Variants in ZZEF1 observed in about 807,000 individuals in gnomAD.
ZZEF1 encodes zinc finger ZZ-type and EF-hand domain containing 1.
Under a neutral mutation model 342.8 loss-of-function variants are expected in ZZEF1, and 157 were observed. That is an observed-to-expected ratio of 0.46 (90% CI 0.40 to 0.52). ZZEF1 has a LOEUF of 0.52. ZZEF1 is among the 20% of genes least tolerant of loss of function. The pLI, the probability that ZZEF1 is intolerant of heterozygous loss-of-function variation, is 0.00. For missense variants in ZZEF1, 3,480 were observed against 3,725.6 expected (o/e 0.93, Z 1.72); for synonymous variants, 1,505 against 1,429.1 (o/e 1.05, Z -1.20).
chr17:4,081,118 T>G (rs769160115), intron 18 of ZZEF1, among the ~76,000 whole-genome samples: 19 of 152,084 alleles, frequency 1.2e-4, no homozygotes, highest in Non-Finnish European at 1.9e-4. Flanking sequence ...TGTGCCTGTG[T>G]CCCAGCTACT....
chr17:4,087,182 G>T (rs751241576), intron 14 of ZZEF1, among the ~76,000 whole-genome samples: 10 of 152,162 alleles, frequency 6.6e-5, no homozygotes, highest in African/African-American at 9.7e-5. Context: ...GCCCAGGCAG[G>T]AAGTTCATTT....
At chr17:4,021,017 T>C in intron 45 of ZZEF1, 112 bp downstream of exon 45, 8 of 1,186,084 alleles carry the variant, frequency 6.7e-6, no homozygotes, top group Non-Finnish European at 7.1e-6. Flanking sequence ...AAGTGAATTC[T>C]CAGGACAGCA....
At position 4,016,725 on chromosome 17, in the gene ZZEF1, T is replaced by G; in HGVS notation, c.8002-259A>C. ...CTGAAAGAACTAACTGAACCAATCA[T>G]AAAGGGTCCTGGTCCTTGAAGGAGT... is the stretch of plus-strand genomic sequence containing the variant. On this transcript the variant is annotated intron_variant, in intron 48 of 54. Transcript: ENST00000381638. The surrounding 1 kb of genome is among the most constrained non-coding windows in gnomAD (Gnocchi z 4.4). 1 of 407,336 alleles carries G rather than the reference T, an allele frequency of 2.5e-6. No homozygotes were observed. Among genetic ancestry groups the G allele is most frequent in the Non-Finnish European group, 4.4e-6 (1 of 228,412 alleles). 25.2% of individuals were successfully genotyped at this position (407,336 alleles called of 1,614,324 possible).
At chr17:4,065,651 C>A (rs1459910524) in intron 28 of ZZEF1, among the ~76,000 whole-genome samples, 1 of 152,112 alleles carries the variant, frequency 6.6e-6, no homozygotes, top group Non-Finnish European at 1.5e-5. Context: ...TCTTGTTTCA[C>A]CCCCATCAAC....
In ZZEF1 at chr17:4,096,466, T is replaced by C. The variant is rs906022580; in HGVS notation, c.1764+143A>G. The C allele has an allele frequency of 2.2e-5, 15 of 696,734 alleles. No individual in the cohort carries two copies. In the African/African-American group the frequency reaches 2.3e-4, roughly 11 times the overall value. 43.2% of individuals were successfully genotyped at this position (696,734 alleles called of 1,614,324 possible). A position where few individuals can be genotyped will look rare whatever the true frequency, so the allele number is the denominator to read the frequency against. ...GCCTGAGGGGATGAATAGCTCATCC[T>C]CATCCTCTGTATGATTATTTCACAT... On this transcript the variant is annotated intron_variant, in intron 10 of 54. Transcript: ENST00000381638.
chr17:4,130,682 C>T (rs937024579), intron 1 of ZZEF1, among the ~76,000 whole-genome samples: 3 of 152,144 alleles, frequency 2.0e-5, no homozygotes, highest in African/African-American at 7.2e-5. Context: ...CAGTTCAAGA[C>T]GTCCCACATC....
At chr17:4,117,250 G>A in intron 2 of ZZEF1, 84 bp from the exon 3 acceptor site, 3 of 1,090,536 alleles carry the variant, frequency 2.8e-6, no homozygotes, top group Non-Finnish European at 4.0e-6. Context: ...ATCTGAATTG[G>A]CTAAATTAAA....
chr17:4,064,092 G>T (rs529703715), intron 29 of ZZEF1, among the ~76,000 whole-genome samples: 30 of 151,380 alleles, frequency 2.0e-4, no homozygotes, highest in African/African-American at 7.3e-4. Context: ...TGTTGCCCAG[G>T]TTGGTCTTGA....
intron 1 of ZZEF1, among the ~76,000 whole-genome samples, chr17:4,137,890 A>T (rs1303896185): frequency 6.6e-6 from 1 of 152,276 alleles, no homozygotes; most frequent in Non-Finnish European, 1.5e-5. Flanking sequence ...GGTGCTGACC[A>T]GGTGACAGTG....
At chr17:4,067,969 T>G (rs1447026130) in intron 26 of ZZEF1, among the ~76,000 whole-genome samples, 1 of 152,088 alleles carries the variant, frequency 6.6e-6, no homozygotes, top group Non-Finnish European at 1.5e-5. Context: ...TCCTAGCTAC[T>G]AGGGAGGCTG....
chr17:4,137,500 T>G (rs2058770728), intron 1 of ZZEF1, among the ~76,000 whole-genome samples: 1 of 152,158 alleles, frequency 6.6e-6, no homozygotes, highest in Non-Finnish European at 1.5e-5. Flanking sequence ...TAGTCCCAGC[T>G]ACTCAGGAGG....
At chr17:4,133,063 T>C (rs2058695078) in intron 1 of ZZEF1, among the ~76,000 whole-genome samples, 1 of 152,132 alleles carries the variant, frequency 6.6e-6, no homozygotes, top group Admixed American at 6.5e-5. Flanking sequence ...CACTACCAGA[T>C]AATAGCTACT....
chr17:4,121,651 C>T (rs2058484712), intron 2 of ZZEF1, among the ~76,000 whole-genome samples: 1 of 151,874 alleles, frequency 6.6e-6, no homozygotes, highest in South Asian at 2.1e-4. Flanking sequence ...ATTTTAATTG[C>T]CATGAGACTA....
Position 4,062,845 on chromosome 17 carries a change from G to A in ZZEF1, c.4791C>T (p.His1597=), listed in dbSNP as rs776711541. 1.4e-5 allele frequency: 22 copies of A among 1,613,692 alleles called. No homozygotes were observed. The highest frequency in any genetic ancestry group is 1.9e-5 in the Non-Finnish European group (22 of 1,179,832). Residue 1597 remains histidine, a synonymous_variant, in exon 30 of 55, where the codon CAC becomes CAT. Coordinates refer to ENST00000381638, the MANE Select transcript of ZZEF1 (RefSeq NM_015113.4). The part of the protein sequence containing the change: ...SILEVLKITQ[H]CAESLGQPHC... ...GGGGCTGCCCAAGGGATTCTGCACA[G>A]TGCTGAGTTATCTTCAGGACTTCCA... is the stretch of plus-strand genomic sequence containing the variant.
chr17:4,112,878 C>A (rs1309775871), intron 4 of ZZEF1, 70 bp from the exon 5 acceptor site: 26 of 1,328,204 alleles, frequency 2.0e-5, no homozygotes, highest in Non-Finnish European at 2.5e-5. Flanking sequence ...CCAGAAGTCC[C>A]ACCTCAAAGA....
At chr17:4,124,133 C>T (rs1206261236) in intron 1 of ZZEF1, 82 bp from the exon 2 acceptor site, 14 of 1,451,516 alleles carry the variant, frequency 9.6e-6, no homozygotes, top group African/African-American at 4.3e-5. Context: ...TTAAAATTCT[C>T]GAGACCGGTG....
At chr17:4,106,096 C>A (rs1272022415) in intron 6 of ZZEF1, among the ~76,000 whole-genome samples, 1 of 152,148 alleles carries the variant, frequency 6.6e-6, no homozygotes, top group African/African-American at 2.4e-5. Flanking sequence ...ATTACAGGAG[C>A]CCGCCACCAC....
At chr17:4,116,760 C>CA (rs2058400808) in intron 3 of ZZEF1, among the ~76,000 whole-genome samples, 1 of 152,178 alleles carries the variant, frequency 6.6e-6, no homozygotes, top group Non-Finnish European at 1.5e-5. Flanking sequence ...AGGCATCCCT[C>CA]AAAGTCACAT....
At chr17:4,009,794 G>A (rs372228316) in intron 52 of ZZEF1, 37 bp from the exon 53 acceptor site, 8 of 1,604,202 alleles carry the variant, frequency 5.0e-6, no homozygotes, top group Non-Finnish European at 6.8e-6. Context: ...AGTTTACTGA[G>A]AGCCATGCCA....
Sources: gnomAD v4.1 joint callset for allele counts (sites outside exome capture counted in the v4.1 genomes callset) on GRCh38, gnomAD v4.1.1 for gene constraint, Gnocchi (gnomAD v3.1) non-coding constraint, MANE v1.5 for transcripts, NCBI Gene and HGNC (gene_info 2026-07-23, HGNC 2026-07-21) for gene names.